MAGI1: variants seen among roughly 807,000 people sequenced by gnomAD.
MAGI1 encodes membrane-associated guanylate kinase, WW and PDZ domain-containing protein 1.
A neutral mutation model predicts 139.9 loss-of-function variants in MAGI1; 58 were observed. That is an observed-to-expected ratio of 0.41 (90% CI 0.34 to 0.52). The LOEUF (loss-of-function observed/expected upper bound fraction) is 0.52, where lower values mean the gene tolerates loss of function less well. Ranked by LOEUF, MAGI1 falls within the 20% of genes least tolerant of loss-of-function variation. MAGI1 has a pLI of 0.12. For missense variants in MAGI1, 1,874 were observed against 1,901.6 expected, an observed-to-expected ratio of 0.99 and a Z score of 0.27; for synonymous variants, 812 against 737.9, an observed-to-expected ratio of 1.10 and a Z score of -1.63.
chr3:65,699,255 A>G (rs1454879944), intron 1 of MAGI1, among the ~76,000 whole-genome samples: 4 of 115,210 alleles, frequency 3.5e-5, no homozygotes, highest in Non-Finnish European at 7.0e-5. Flanking sequence ...GTGGAGAAAT[A>G]GGAACACTTT....
At chr3:65,794,107 G>A (rs1453323979) in intron 1 of MAGI1, among the ~76,000 whole-genome samples, 1 of 152,172 alleles carries the variant, frequency 6.6e-6, no homozygotes, top group African/African-American at 2.4e-5. Flanking sequence ...GAAGACAGCA[G>A]TAACACTAAA....
intron 1 of MAGI1, among the ~76,000 whole-genome samples, chr3:65,929,561 C>A (rs566501653): frequency 1.0e-3 from 154 of 152,192 alleles, no homozygotes; most frequent in African/African-American, 3.6e-3. Context: ...TCTCGATCTC[C>A]TGACCTCGTG....
chr3:65,423,382 G>GGGCA (rs1553642310), intron 12 of MAGI1, among the ~76,000 whole-genome samples: 10 of 141,124 alleles, frequency 7.1e-5, no homozygotes, highest in African/African-American at 2.3e-4. Context: ...GTGCACACAC[G>GGGCA]CGCACACACA....
intron 1 of MAGI1, among the ~76,000 whole-genome samples, chr3:65,918,967 C>G (rs1395202072): frequency 6.6e-6 from 1 of 151,664 alleles, no homozygotes; most frequent in Non-Finnish European, 1.5e-5. Context: ...AAAATGTAAA[C>G]TAGCCAAAAG....
chr3:65,507,985 G>A (rs942193969), intron 2 of MAGI1, among the ~76,000 whole-genome samples: 3 of 152,094 alleles, frequency 2.0e-5, no homozygotes, highest in Non-Finnish European at 4.4e-5. Flanking sequence ...AGGAACAGAA[G>A]CCTGTGCTGA....
intron 1 of MAGI1, chr3:66,009,272 T>A (rs1444430621): frequency 6.6e-6 from 1 of 152,148 alleles, no homozygotes; most frequent in Non-Finnish European, 1.5e-5. Context: ...TCCCAGCACT[T>A]TGGGAGGCAG....
chr3:65,779,057 T>C (rs936255472), intron 1 of MAGI1, among the ~76,000 whole-genome samples: 1 of 152,226 alleles, frequency 6.6e-6, no homozygotes, highest in African/African-American at 2.4e-5. Flanking sequence ...ATGTCACCAG[T>C]GCATAGGAAA....
intron 1 of MAGI1, among the ~76,000 whole-genome samples, chr3:65,814,571 T>C (rs1197723465): frequency 1.3e-5 from 2 of 152,196 alleles, no homozygotes; most frequent in African/African-American, 4.8e-5. Flanking sequence ...TTGGATTTTT[T>C]GTTCTGTTTT....
At chr3:65,748,467 G>A (rs1441430414) in intron 1 of MAGI1, among the ~76,000 whole-genome samples, 1 of 152,158 alleles carries the variant, frequency 6.6e-6, no homozygotes, top group Non-Finnish European at 1.5e-5. Context: ...AAACTGAGCA[G>A]GAACCCCCAG....
chr3:65,958,632 C>T (rs2064251604), intron 1 of MAGI1, among the ~76,000 whole-genome samples: 2 of 152,188 alleles, frequency 1.3e-5, no homozygotes, highest in African/African-American at 4.8e-5. Flanking sequence ...CAACAGAGTT[C>T]CGGGTAATAT....
rs1458459639 is a variant in MAGI1, at chr3:65,937,002, G to GTGGTGATGGTGGTGGTGC, written c.313+100993_313+100994insGCACCACCACCATCACCA. Among the ~76,000 whole-genome samples the GTGGTGATGGTGGTGGTGC allele has an allele frequency of 1.6e-3, 242 of 151,238 alleles. 2 individuals are homozygous for GTGGTGATGGTGGTGGTGC. Among genetic ancestry groups the GTGGTGATGGTGGTGGTGC allele is most frequent in the African/African-American group, 4.6e-3 (190 of 41,110 alleles). On this transcript the variant is annotated intron_variant, in intron 1 of 22. Coordinates refer to ENST00000402939, the MANE Select transcript of MAGI1 (RefSeq NM_001033057.2). Reference sequence around the variant, plus strand: ...GGTGGTGGTGGTGATGGTGGTGGTGGTGGTTGTTTTAATCTCTACCTAATT... The same window carrying GTGGTGATGGTGGTGGTGC: ...GGTGGTGGTGGTGATGGTGGTGGTGGTGGTGATGGTGGTGGTGCTGGTTGTTTTAATCTCTACCTAATT...
intron 1 of MAGI1, among the ~76,000 whole-genome samples, chr3:65,748,991 A>G (rs973965741): frequency 1.3e-5 from 2 of 152,178 alleles, no homozygotes; most frequent in Admixed American, 1.3e-4. Context: ...ATCCTCAAAC[A>G]GGCCAGCGGC....
rs1243537570 is a variant in MAGI1, at chr3:65,974,407, G to GTGGATGGATGGATGGA, written c.313+63573_313+63588dup. Among the ~76,000 whole-genome samples the GTGGATGGATGGATGGA allele has an allele frequency of 2.2e-3, 152 of 67,960 alleles. 17 individuals are homozygous for GTGGATGGATGGATGGA. The highest frequency in any genetic ancestry group is 5.8e-3 in the African/African-American group (95 of 16,258). The allele number at this position is 67,960 out of a possible 152,430, so 44.6% of individuals were successfully genotyped here. A position where few individuals can be genotyped will look rare whatever the true frequency, so the allele number is the denominator to read the frequency against. Reference sequence around the variant, plus strand: ...GGTGGCTGGGTGGATGGGTGGATGGGTGGATGGATGGATGGATGGATGGAT... The same window carrying GTGGATGGATGGATGGA: ...GGTGGCTGGGTGGATGGGTGGATGGGTGGATGGATGGATGGATGGATGGATGGATGGATGGATGGAT... On this transcript the variant is annotated intron_variant, in intron 1 of 22. Coordinates refer to ENST00000402939, the MANE Select transcript of MAGI1 (RefSeq NM_001033057.2).
rs1318429715 is a variant in MAGI1, at chr3:65,493,543, A to T, written c.519T>A (p.Ser173Arg). Residue 173 changes from serine (S) to arginine (R), a missense_variant, in exon 3 of 23, where the codon AGT becomes AGA. This residue lies in a region of MAGI1 where 648 missense variants were observed against 598.1 expected (regional missense o/e 1.08). Transcript: ENST00000402939. Reference sequence around the variant, plus strand: ...AGGTGCCGACTTCCAGAAGAGTCCCACTCTGCTCGAGGTCCAAGAACTCCT... The same window carrying T: ...AGGTGCCGACTTCCAGAAGAGTCCCTCTCTGCTCGAGGTCCAAGAACTCCT... ...TVKEFLDLEQ[S>R]GTLLEVGTYE... The T allele has an allele frequency of 1.2e-6, 2 of 1,613,936 alleles. No individual in the cohort carries two copies. The highest frequency in any genetic ancestry group is 1.3e-5 in the African/African-American group (1 of 74,878).
intron 18 of MAGI1, among the ~76,000 whole-genome samples, chr3:65,367,388 A>AT (rs910653133): frequency 2.0e-5 from 3 of 151,554 alleles, no homozygotes; most frequent in Non-Finnish European, 2.9e-5. Flanking sequence ...TTTATTTGCT[A>AT]TTTTTTTTCC....
intron 2 of MAGI1, among the ~76,000 whole-genome samples, chr3:65,534,508 T>A (rs1179225894): frequency 2.0e-5 from 3 of 150,912 alleles, no homozygotes; most frequent in Non-Finnish European, 4.4e-5. Flanking sequence ...AAAAAAAGAG[T>A]GTGGGATTTG....
chr3:65,664,645 A>C (rs1359386196), intron 1 of MAGI1, among the ~76,000 whole-genome samples: 2 of 152,194 alleles, frequency 1.3e-5, no homozygotes, highest in Non-Finnish European at 2.9e-5. Context: ...ATTTTATTTG[A>C]AACCTCAAAA....
intron 18 of MAGI1, among the ~76,000 whole-genome samples, chr3:65,368,100 A>C (rs1443819396): frequency 6.6e-6 from 1 of 152,220 alleles, no homozygotes; most frequent in East Asian, 1.9e-4. Flanking sequence ...GCTTTAAAAT[A>C]TAAAGATGAG....
Position 65,737,859 on chromosome 3 carries a change from G to C in MAGI1, c.314-115771C>G, listed in dbSNP as rs147555696. Among the ~76,000 whole-genome samples, 3 of 151,972 alleles carry C rather than the reference G, an allele frequency of 2.0e-5. No individual in the cohort carries two copies. In the South Asian group the frequency reaches 6.2e-4, roughly 32 times the overall value. On this transcript the variant is annotated intron_variant, in intron 1 of 22. Coordinates refer to ENST00000402939, the MANE Select transcript of MAGI1 (RefSeq NM_001033057.2). The stretch of plus-strand genomic sequence containing the variant: ...CTGAAGTTTCACTTAACCAATTACC[G>C]AAAACAACACACACACACCTCTCTC...
Sources: gnomAD v4.1 joint callset for allele counts (sites outside exome capture counted in the v4.1 genomes callset) on GRCh38, gnomAD v4.1.1 for gene constraint, gnomAD v4.1.1 regional missense constraint, MANE v1.5 for transcripts, NCBI Gene and HGNC (gene_info 2026-07-23, HGNC 2026-07-21) for gene names.